Variants in BICRAL observed in about 807,000 individuals in gnomAD.
BICRAL encodes the protein BICRA like chromatin remodeling complex associated protein, also known as BRD4-interacting chromatin-remodeling complex-associated protein-like.
Under a neutral mutation model 91.8 loss-of-function variants are expected in BICRAL, and 8 were observed. That is an observed-to-expected ratio of 0.09 (90% confidence interval 0.05 to 0.16). The LOEUF is 0.16. Among genes scored for constraint, BICRAL ranks in the 10% least tolerant of loss-of-function variants. The pLI is 1.00. For synonymous variants in BICRAL, 445 were observed against 491.1 expected (o/e 0.91, Z 1.24); for missense variants, 1,038 against 1,310.9 (o/e 0.79, Z 3.21).
intron 1 of BICRAL, among the ~76,000 whole-genome samples, chr6:42,749,908 G>A (rs1762350520): frequency 6.6e-6 from 1 of 150,506 alleles, no homozygotes; most frequent in African/African-American, 2.5e-5. Context: ...AGGCCAGAGT[G>A]CAGTGGCACG....
rs146481338 is a variant in BICRAL, at chr6:42,855,978, A to C, written c.2108+61A>C. On this transcript the variant is annotated intron_variant, in intron 9 of 12. Coordinates refer to ENST00000314073, the MANE Select transcript of BICRAL (RefSeq NM_001393499.1). Reference sequence around the variant, plus strand: ...ACACTTCTTTGGGTCCCTAGCCTTCAATAAATATACCACAGAAAACAGGTT... The same window carrying C: ...ACACTTCTTTGGGTCCCTAGCCTTCCATAAATATACCACAGAAAACAGGTT... 5.5e-4 allele frequency: 695 copies of C among 1,270,756 alleles called. 3 individuals are homozygous for C. Among genetic ancestry groups the C allele is most frequent in the African/African-American group, 3.4e-3 (232 of 68,498 alleles). The allele number at this position is 1,270,756 out of a possible 1,614,324, so 78.7% of individuals were successfully genotyped here.
At chr6:42,800,977 G>T (rs551287938) in intron 1 of BICRAL, among the ~76,000 whole-genome samples, 16 of 152,092 alleles carry the variant, frequency 1.1e-4, no homozygotes, top group African/African-American at 3.9e-4. Context: ...ATACGGCCAG[G>T]CACAGTGACT....
intron 1 of BICRAL, among the ~76,000 whole-genome samples, chr6:42,797,044 C>CAAAAAAAA (rs1192829085): frequency 1.1e-4 from 5 of 44,290 alleles, no homozygotes; most frequent in Admixed American, 2.2e-4. Flanking sequence ...AACTCTGTCT[C>CAAAAAAAA]AAAAAAAAAA....
At chr6:42,839,174 C>T (rs1368415866) in intron 6 of BICRAL, among the ~76,000 whole-genome samples, 1 of 152,124 alleles carries the variant, frequency 6.6e-6, no homozygotes, top group African/African-American at 2.4e-5. Flanking sequence ...CACTGCAGCA[C>T]TCCAGCCTGG....
At chr6:42,799,573 C>T (rs1311414705) in intron 1 of BICRAL, among the ~76,000 whole-genome samples, 1 of 152,086 alleles carries the variant, frequency 6.6e-6, no homozygotes, top group Admixed American at 6.6e-5. Context: ...GGATTACAGG[C>T]GTGAGCCACT....
intron 1 of BICRAL, among the ~76,000 whole-genome samples, chr6:42,768,504 G>T (rs1762667424): frequency 6.6e-6 from 1 of 152,204 alleles, no homozygotes; most frequent in Non-Finnish European, 1.5e-5. Context: ...AAGCTGGCCA[G>T]CATATTCCAG....
chr6:42,806,115 A>G (rs1763698156), intron 1 of BICRAL, among the ~76,000 whole-genome samples: 1 of 152,208 alleles, frequency 6.6e-6, no homozygotes, highest in African/African-American at 2.4e-5. Flanking sequence ...TTTTGCCCAC[A>G]GCATCTTTCC....
intron 1 of BICRAL, among the ~76,000 whole-genome samples, chr6:42,765,714 T>C (rs1186595735): frequency 1.3e-5 from 2 of 152,276 alleles, no homozygotes. Context: ...TAGGACTTCA[T>C]GTATCGTACA....
intron 6 of BICRAL, among the ~76,000 whole-genome samples, chr6:42,840,860 G>A (rs1440274118): frequency 4.6e-5 from 7 of 151,566 alleles, no homozygotes; most frequent in African/African-American, 1.7e-4. Flanking sequence ...GATCACTTGA[G>A]GTCAGGAGTT....
Position 42,786,025 on chromosome 6 carries a change from A to G in BICRAL, c.-102+3924A>G, listed in dbSNP as rs538017976. Among the ~76,000 whole-genome samples the G allele has an allele frequency of 1.1e-3, 173 of 151,592 alleles. 1 individual carries two copies. The highest frequency in any genetic ancestry group is 4.0e-3 in the African/African-American group (167 of 41,478). ...AGCTGAGATCGCGCCACTGCACTCC[A>G]GCCTGGAGACAAAAAACACAGGTCA... is the stretch of plus-strand genomic sequence containing the variant. On this transcript the variant is annotated intron_variant, in intron 1 of 12. Transcript: ENST00000314073.
In BICRAL at chr6:42,770,635, C is replaced by T. The variant is rs192866543; in HGVS notation, c.-260-11204C>T. Among the ~76,000 whole-genome samples the T allele has an allele frequency of 8.3e-4, 126 of 151,580 alleles. No individual in the cohort carries two copies. In the East Asian group the frequency reaches 0.021, roughly 25 times the overall value. ...TTCACCATGTTGGCCAGGCTGGTCT[C>T]GAACTCCTGACCTCAGGTGATCCAC... On this transcript the variant is annotated intron_variant, in intron 1 of 14. Transcript: ENST00000614467.
At chr6:42,857,948 A>T (rs1307296682) in intron 10 of BICRAL, among the ~76,000 whole-genome samples, 1 of 148,828 alleles carries the variant, frequency 6.7e-6, no homozygotes, top group Non-Finnish European at 1.5e-5. Context: ...GGCTGAGATT[A>T]TAGGCGCCCA....
intron 2 of BICRAL, among the ~76,000 whole-genome samples, chr6:42,819,827 G>A (rs1241729966): frequency 3.9e-5 from 6 of 152,132 alleles, no homozygotes; most frequent in Admixed American, 2.0e-4. Flanking sequence ...GCCCCTGACT[G>A]TAAAGGCTCC....
chr6:42,825,645 C>T (rs1764274655), intron 5 of BICRAL, among the ~76,000 whole-genome samples: 1 of 152,018 alleles, frequency 6.6e-6, no homozygotes, highest in Non-Finnish European at 1.5e-5. Context: ...ATCCCTTGAG[C>T]CCAGGAGTTG....
At chr6:42,822,700 A>G in intron 3 of BICRAL, 96 bp from the exon 4 acceptor site, 17 of 647,726 alleles carry the variant, frequency 2.6e-5, no homozygotes, top group Non-Finnish European at 4.6e-5. Flanking sequence ...TACTCAGGTA[A>G]TAAATCATTT....
rs544634141 is a variant in BICRAL at position 42,805,925 on chromosome 6, C to T, written c.-101-4381C>T. 1.1e-3 allele frequency among the ~76,000 whole-genome samples: 167 copies of T among 151,982 alleles called. 3 individuals are homozygous for T. The South Asian group carries it at 0.034, about 31-fold the overall frequency. On this transcript the variant is annotated intron_variant, in intron 1 of 12. Transcript: ENST00000314073. ...GCTGAGGCAGGAGAATGGCGTGAAC[C>T]CAGGAGGCAGAGTGTGCAGTGAGTC...
chr6:42,783,594 C>T (rs1763005846), intron 1 of BICRAL, among the ~76,000 whole-genome samples: 1 of 152,282 alleles, frequency 6.6e-6, no homozygotes. Flanking sequence ...TAGCGGGAGC[C>T]GAGAGCAGGG....
intron 2 of BICRAL, among the ~76,000 whole-genome samples, chr6:42,813,118 C>G (rs1462130523): frequency 2.0e-5 from 3 of 152,100 alleles, no homozygotes; most frequent in Non-Finnish European, 4.4e-5. Context: ...TTCAAATAGT[C>G]TAATGATGTA....
intron 1 of BICRAL, among the ~76,000 whole-genome samples, chr6:42,755,818 C>T (rs1762450110): frequency 6.6e-6 from 1 of 152,016 alleles, no homozygotes; most frequent in Non-Finnish European, 1.5e-5. Context: ...TACAGGCGCA[C>T]GCCGCCACGC....
Sources: allele counts gnomAD v4.1 joint callset (sites outside exome capture counted in the v4.1 genomes callset), GRCh38; gene constraint gnomAD v4.1.1; transcripts MANE v1.5; gene names NCBI Gene and HGNC (gene_info 2026-07-23, HGNC 2026-07-21).